INPP4B: variants seen among roughly 807,000 people sequenced by gnomAD.
INPP4B encodes inositol polyphosphate 4-phosphatase type II.
Under a neutral mutation model 122.5 loss-of-function variants are expected in INPP4B, and 55 were observed. The observed-to-expected ratio is 0.45, with a 90% CI of 0.36 to 0.56. The LOEUF (loss-of-function observed/expected upper bound fraction) is 0.56. Ranked by LOEUF, INPP4B falls within the 20% of genes least tolerant of loss-of-function variation. The pLI, the probability that INPP4B is intolerant of heterozygous loss-of-function variation, is 0.00. For missense variants in INPP4B, 1,000 were observed against 1,097.7 expected (o/e 0.91, Z 1.26); for synonymous variants, 403 against 388.7 (o/e 1.04, Z -0.43).
chr4:142,674,681 G>T (rs1368123076), intron 2 of INPP4B, among the ~76,000 whole-genome samples: 1 of 151,980 alleles, frequency 6.6e-6, no homozygotes, highest in Non-Finnish European at 1.5e-5. Flanking sequence ...CTCTCAGAAT[G>T]GAGTGCAATG....
intron 5 of INPP4B, chr4:142,426,854 T>C (rs1178670152): frequency 6.6e-6 from 1 of 151,964 alleles, no homozygotes; most frequent in Non-Finnish European, 1.5e-5. Flanking sequence ...TTTGAATACT[T>C]TGGTTAAGAG....
chr4:142,058,354 CAA>C (rs1560968632), intron 25 of INPP4B, among the ~76,000 whole-genome samples: 1 of 152,066 alleles, frequency 6.6e-6, no homozygotes, highest in Non-Finnish European at 1.5e-5. Context: ...TGGACTCACT[CAA>C]ATAAAAACAG....
chr4:142,200,792 C>T (rs1205233068), intron 14 of INPP4B, among the ~76,000 whole-genome samples: 1 of 151,992 alleles, frequency 6.6e-6, no homozygotes, highest in African/African-American at 2.4e-5. Context: ...AAATATTCTT[C>T]AGTTTTGAAC....
In INPP4B at chr4:142,270,877, C is replaced by A. The variant is rs978873079; in HGVS notation, c.504-103G>T. 1.5e-5 allele frequency: 11 copies of A among 742,104 alleles called. No homozygotes were observed. In the East Asian group the frequency reaches 2.5e-4, roughly 17 times the overall value. The allele number at this position is 742,104 out of a possible 1,614,324, so 46.0% of individuals were successfully genotyped here. ...TGAAAACCACCAGCATTGTTATTTA[C>A]TTAATAAGACAACATCTGCATAAAA... On this transcript the variant is annotated intron_variant, in intron 9 of 25. Coordinates refer to ENST00000262992, the MANE Select transcript of INPP4B (RefSeq NM_001101669.3).
intron 25 of INPP4B, among the ~76,000 whole-genome samples, chr4:142,078,565 T>C (rs1404557016): frequency 6.6e-6 from 1 of 152,012 alleles, no homozygotes; most frequent in Non-Finnish European, 1.5e-5. Flanking sequence ...CGAAAATCTC[T>C]ACCTTCAGAG....
intron 2 of INPP4B, among the ~76,000 whole-genome samples, chr4:142,608,521 C>G (rs77497159): frequency 0.022 from 3,330 of 152,200 alleles, 51 homozygotes; most frequent in Middle Eastern, 0.088. Flanking sequence ...TGAAATCCAT[C>G]TCTGTCATAT....
At chr4:142,611,854 A>G (rs1580499959) in intron 2 of INPP4B, among the ~76,000 whole-genome samples, 2 of 151,852 alleles carry the variant, frequency 1.3e-5, no homozygotes, top group South Asian at 4.2e-4. Context: ...ATTTTAGTAG[A>G]GATGGGGTTT....
intron 7 of INPP4B, among the ~76,000 whole-genome samples, chr4:142,332,736 G>A (rs1307392226): frequency 9.2e-5 from 14 of 151,746 alleles, no homozygotes; most frequent in Admixed American, 9.2e-4. Flanking sequence ...CCTGCGCAGT[G>A]GCTCACGCCT....
At chr4:142,203,362 T>C (rs1189458609) in intron 14 of INPP4B, among the ~76,000 whole-genome samples, 1 of 152,102 alleles carries the variant, frequency 6.6e-6, no homozygotes, top group Non-Finnish European at 1.5e-5. Flanking sequence ...TTAAATTTTA[T>C]AGCAAAATAT....
chr4:142,303,888 G>A (rs187308082), intron 9 of INPP4B, among the ~76,000 whole-genome samples: 5 of 151,948 alleles, frequency 3.3e-5, no homozygotes, highest in East Asian at 1.9e-4. Context: ...TTGACCCTTC[G>A]GTTCTTGTCC....
intron 10 of INPP4B, among the ~76,000 whole-genome samples, chr4:142,269,142 C>T (rs995403694): frequency 2.0e-5 from 3 of 152,132 alleles, no homozygotes; most frequent in African/African-American, 7.2e-5. Context: ...ACGTAATTGA[C>T]TTCTTTTATT....
chr4:142,382,433 G>A (rs903967120), intron 7 of INPP4B, among the ~76,000 whole-genome samples: 24 of 151,328 alleles, frequency 1.6e-4, no homozygotes, highest in African/African-American at 3.6e-4. Flanking sequence ...CACTTGAACC[G>A]AGGAGGTGGA....
intron 7 of INPP4B, among the ~76,000 whole-genome samples, chr4:142,347,166 C>A (rs1358939634): frequency 6.6e-6 from 1 of 151,892 alleles, no homozygotes; most frequent in East Asian, 1.9e-4. Flanking sequence ...TGTCATTCAA[C>A]TGTAAGTTCA....
At chr4:142,401,763 C>A (rs1378843284) in intron 7 of INPP4B, among the ~76,000 whole-genome samples, 1 of 152,108 alleles carries the variant, frequency 6.6e-6, no homozygotes, top group African/African-American at 2.4e-5. Flanking sequence ...GTATATGGAA[C>A]GGAATCAGAA....
At chr4:142,544,519 T>C (rs940108803) in intron 2 of INPP4B, among the ~76,000 whole-genome samples, 1 of 152,002 alleles carries the variant, frequency 6.6e-6, no homozygotes, top group African/African-American at 2.4e-5. Context: ...ATCAGAAGCA[T>C]ACATGAGAGA....
At chr4:142,268,349 A>AAAAAAAAAAAAAAAAAAAAAAAAG (rs1579529886) in intron 10 of INPP4B, among the ~76,000 whole-genome samples, 1 of 142,880 alleles carries the variant, frequency 7.0e-6, no homozygotes, top group African/African-American at 2.6e-5. Context: ...AAAAAAAATG[A>AAAAAAAAAAAAAAAAAAAAAAAAG]GGGGTAAGTA....
intron 9 of INPP4B, among the ~76,000 whole-genome samples, chr4:142,273,014 T>A (rs1579548888): frequency 6.6e-6 from 1 of 152,150 alleles, no homozygotes; most frequent in East Asian, 1.9e-4. Flanking sequence ...AGCTGTGTAA[T>A]AAACCGTATA....
chr4:142,692,638 T>C (rs1760355703), intron 2 of INPP4B, among the ~76,000 whole-genome samples: 1 of 152,186 alleles, frequency 6.6e-6, no homozygotes, highest in South Asian at 2.1e-4. Flanking sequence ...TAAAATCCTA[T>C]TCAAGGTCAA....
intron 2 of INPP4B, among the ~76,000 whole-genome samples, chr4:142,627,316 T>A (rs998398128): frequency 6.6e-6 from 1 of 150,468 alleles, no homozygotes; most frequent in African/African-American, 2.5e-5. Context: ...AGAGAGGGCA[T>A]CCCTGTCTTA....
Sources: allele counts gnomAD v4.1 joint callset (sites outside exome capture counted in the v4.1 genomes callset), GRCh38; gene constraint gnomAD v4.1.1; transcripts MANE v1.5; gene names NCBI Gene and HGNC (gene_info 2026-07-23, HGNC 2026-07-21).